MSRB3: variants seen among roughly 807,000 people sequenced by gnomAD.
MSRB3 encodes the protein methionine-R-sulfoxide reductase B3.
MSRB3 carries 13 observed loss-of-function variants against 21.0 expected under a neutral mutation model. The ratio of observed to expected loss-of-function variants is 0.62; its 90% CI spans 0.40 to 0.98. MSRB3 has a LOEUF of 0.98. Among genes scored for constraint, MSRB3 ranks in the 50% least tolerant of loss-of-function variants. MSRB3 has a pLI of 0.00. For missense variants in MSRB3, 199 were observed against 230.3 expected, an observed-to-expected ratio of 0.86 and a Z score of 0.88; for synonymous variants, 87 against 88.6, an observed-to-expected ratio of 0.98 and a Z score of 0.10.
intron 4 of MSRB3, among the ~76,000 whole-genome samples, chr12:65,354,915 C>T (rs1015162785): frequency 2.6e-5 from 4 of 151,668 alleles, no homozygotes; most frequent in Admixed American, 6.6e-5. Context: ...TCCCAGAAAA[C>T]GTAGTCATTA....
intron 5 of MSRB3, among the ~76,000 whole-genome samples, chr12:65,442,083 GTGT>G (rs1882408623): frequency 6.6e-6 from 1 of 151,998 alleles, no homozygotes. Flanking sequence ...TCATAAAAAG[GTGT>G]TGTAGATCAG....
intron 1 of MSRB3, among the ~76,000 whole-genome samples, chr12:65,294,331 A>T (rs1872827980): frequency 6.6e-6 from 1 of 152,172 alleles, no homozygotes. Context: ...CCTGAATCTC[A>T]CTAACTTGCA....
intron 4 of MSRB3, among the ~76,000 whole-genome samples, chr12:65,365,475 G>A (rs1877957256): frequency 6.6e-6 from 1 of 152,194 alleles, no homozygotes; most frequent in Non-Finnish European, 1.5e-5. Flanking sequence ...GTGAGTTAGA[G>A]ATGGATTGGA....
In MSRB3 at chr12:65,364,393, T is replaced by C. The variant is rs139487521; in HGVS notation, c.264-4605T>C. ...GTAACATTCTGTGCTATAATCACCATCTTTTGGCAGTTGCCAAAAGAAACG... is the reference window on the plus strand; with the variant it reads ...GTAACATTCTGTGCTATAATCACCACCTTTTGGCAGTTGCCAAAAGAAACG... On this transcript the variant is annotated intron_variant, in intron 4 of 6. Transcript: ENST00000308259. Among the ~76,000 whole-genome samples, 1,317 of 152,316 alleles carry C rather than the reference T, an allele frequency of 8.6e-3. 21 individuals are homozygous for C. The highest frequency in any genetic ancestry group is 0.03 in the African/African-American group (1,246 of 41,566).
intron 5 of MSRB3, among the ~76,000 whole-genome samples, chr12:65,369,849 G>C (rs1878221352): frequency 6.6e-6 from 1 of 152,072 alleles, no homozygotes; most frequent in Non-Finnish European, 1.5e-5. Context: ...GAATTTACAA[G>C]TAACATTTTT....
chr12:65,406,036 G>T (rs1227602328), intron 5 of MSRB3, among the ~76,000 whole-genome samples: 1 of 152,050 alleles, frequency 6.6e-6, no homozygotes, highest in Admixed American at 6.6e-5. Flanking sequence ...TCTTCACTCT[G>T]TTGATTGCTT....
At chr12:65,361,901 AT>A (rs1565855124) in intron 4 of MSRB3, among the ~76,000 whole-genome samples, 4 of 152,088 alleles carry the variant, frequency 2.6e-5, no homozygotes, top group African/African-American at 9.6e-5. Context: ...TTAAAATTCT[AT>A]TTTTTTCAGT....
intron 4 of MSRB3, among the ~76,000 whole-genome samples, chr12:65,347,421 T>G (rs2136485375): frequency 6.6e-6 from 1 of 152,338 alleles, no homozygotes; most frequent in Non-Finnish European, 1.5e-5. Flanking sequence ...CTTTTGATTT[T>G]TGCACACTGA....
chr12:65,317,683 C>G (rs1157896153), intron 2 of MSRB3, among the ~76,000 whole-genome samples: 2 of 152,058 alleles, frequency 1.3e-5, no homozygotes, highest in Admixed American at 6.6e-5. Flanking sequence ...GAATGTGAAA[C>G]CCTAGAGAGG....
At chr12:65,372,122 T>G (rs924842810) in intron 5 of MSRB3, among the ~76,000 whole-genome samples, 1 of 152,230 alleles carries the variant, frequency 6.6e-6, no homozygotes, top group Admixed American at 6.5e-5. Flanking sequence ...GCGTTAAAGT[T>G]TTGAGGTTTT....
At position 65,463,268 on chromosome 12, in the gene MSRB3, C is replaced by G; in HGVS notation, c.504C>G (p.Ala168=). The G allele has an allele frequency of 1.2e-6, 2 of 1,614,112 alleles. No individual in the cohort carries two copies. The highest frequency in any genetic ancestry group is 1.7e-6 in the Non-Finnish European group (2 of 1,180,042). ...CACCTGCGGATAGCAGTGGCACCGC[C>G]GAGGGAGGCAGTGGGGTCGCCAGCC... The part of the protein sequence containing the change: ...SFTPADSSGT[A]EGGSGVASPA... Residue 168 remains alanine, a synonymous_variant, in exon 7 of 7, where the codon GCC becomes GCG. Transcript: ENST00000308259.
chr12:65,342,685 C>A (rs1456496765), intron 4 of MSRB3, among the ~76,000 whole-genome samples: 1 of 151,994 alleles, frequency 6.6e-6, no homozygotes, highest in African/African-American at 2.4e-5. Context: ...TGTTCTTAAT[C>A]ATTCTTCTTA....
chr12:65,454,435 A>T (rs538606847), intron 6 of MSRB3, among the ~76,000 whole-genome samples: 7 of 152,334 alleles, frequency 4.6e-5, no homozygotes, highest in African/African-American at 1.4e-4. Context: ...TTCTTGGGGC[A>T]TATGAAGATT....
intron 2 of MSRB3, among the ~76,000 whole-genome samples, chr12:65,314,029 C>T (rs940370051): frequency 6.6e-6 from 1 of 152,088 alleles, no homozygotes; most frequent in Non-Finnish European, 1.5e-5. Flanking sequence ...GATTTATAAT[C>T]CACAAATTTT....
chr12:65,419,417 C>T (rs1191083626), intron 5 of MSRB3: 1 of 748,650 alleles, frequency 1.3e-6, no homozygotes, highest in Non-Finnish European at 2.5e-6. Context: ...GTCTCGATCT[C>T]TGTCTTCAGC....
At chr12:65,366,455 A>G (rs2136528430) in intron 4 of MSRB3, among the ~76,000 whole-genome samples, 2 of 152,302 alleles carry the variant, frequency 1.3e-5, no homozygotes, top group Middle Eastern at 6.8e-3. Flanking sequence ...TGGCTGGTGG[A>G]AAACAGCACA....
chr12:65,351,502 CA>C (rs1340421465), intron 4 of MSRB3, among the ~76,000 whole-genome samples: 30 of 149,266 alleles, frequency 2.0e-4, no homozygotes, highest in Admixed American at 1.3e-3. Context: ...AAAAACCCTT[CA>C]AAAAATTAAT....
chr12:65,331,901 G>A lies in MSRB3; in HGVS notation c.263+3298G>A, dbSNP rs537547643. 1.3e-4 allele frequency among the ~76,000 whole-genome samples: 20 copies of A among 152,348 alleles called. No individual in the cohort carries two copies. In the South Asian group the frequency reaches 3.7e-3, roughly 28 times the overall value. ...GCCTGGAAGCAGAGAAACTGCATGGGCTGTGGGATCTGGATGTGAAATATG... is the reference window on the plus strand; with the variant it reads ...GCCTGGAAGCAGAGAAACTGCATGGACTGTGGGATCTGGATGTGAAATATG... On this transcript the variant is annotated intron_variant, in intron 4 of 6. Coordinates refer to ENST00000308259, the MANE Select transcript of MSRB3 (RefSeq NM_001031679.3).
At chr12:65,362,862 T>C (rs576381757) in intron 4 of MSRB3, among the ~76,000 whole-genome samples, 130 of 152,258 alleles carry the variant, frequency 8.5e-4, no homozygotes, top group Non-Finnish European at 1.5e-3. Context: ...CTGTTCTCAC[T>C]AGTCACTGGT....
Sources: allele counts gnomAD v4.1 joint callset (sites outside exome capture counted in the v4.1 genomes callset), GRCh38; gene constraint gnomAD v4.1.1; transcripts MANE v1.5; gene names NCBI Gene and HGNC (gene_info 2026-07-23, HGNC 2026-07-21).